Variants in HERC4 observed in about 807,000 individuals in gnomAD.
HERC4 encodes probable E3 ubiquitin-protein ligase HERC4.
HERC4 carries 28 observed loss-of-function variants against 124.3 expected under a neutral mutation model. The ratio of observed to expected loss-of-function variants is 0.23; its 90% CI spans 0.17 to 0.31. The LOEUF is 0.31. HERC4 is among the 10% of genes least tolerant of loss of function. The pLI, the probability that HERC4 is intolerant of heterozygous loss-of-function variation, is 1.00. For missense variants in HERC4, 713 were observed against 1,229.3 expected (o/e 0.58, Z 6.28); for synonymous variants, 407 against 421.5 (o/e 0.97, Z 0.42).
At chr10:68,061,638 G>C (rs2133773477) in intron 3 of HERC4, among the ~76,000 whole-genome samples, 1 of 151,312 alleles carries the variant, frequency 6.6e-6, no homozygotes, top group East Asian at 2.0e-4. Context: ...TAGCACTTTG[G>C]GAGGCAGAGA....
At chr10:67,947,308 G>C (rs144804482) in intron 19 of HERC4, among the ~76,000 whole-genome samples, 95 of 152,300 alleles carry the variant, frequency 6.2e-4, no homozygotes, top group African/African-American at 1.9e-3. Flanking sequence ...AGTAACAAAA[G>C]AGAGCTAGAG....
At chr10:67,933,564 A>G (rs981933051) in intron 22 of HERC4, among the ~76,000 whole-genome samples, 20 of 152,182 alleles carry the variant, frequency 1.3e-4, no homozygotes, top group African/African-American at 4.8e-4. Context: ...GTAATAAAGG[A>G]TGATTCTGCA....
At chr10:68,059,537 C>CATA (rs1338677846) in intron 3 of HERC4, among the ~76,000 whole-genome samples, 14 of 85,482 alleles carry the variant, frequency 1.6e-4, no homozygotes, top group African/African-American at 4.8e-4. Context: ...TATTATATAT[C>CATA]ATATTATATA....
At chr10:68,049,573 AGAGT>A (rs1389444151) in intron 3 of HERC4, among the ~76,000 whole-genome samples, 1 of 116,162 alleles carries the variant, frequency 8.6e-6, no homozygotes, top group African/African-American at 3.7e-5. Flanking sequence ...CCTGGGTGAC[AGAGT>A]GAGACACTGC....
intron 3 of HERC4, among the ~76,000 whole-genome samples, chr10:68,048,402 C>A (rs1437880553): frequency 6.6e-6 from 1 of 152,034 alleles, no homozygotes; most frequent in Admixed American, 6.6e-5. Flanking sequence ...AGTAAAAAAG[C>A]CAATCTGAAA....
intron 8 of HERC4, among the ~76,000 whole-genome samples, chr10:68,017,082 T>C (rs1191688674): frequency 1.3e-5 from 2 of 152,128 alleles, no homozygotes; most frequent in African/African-American, 2.4e-5. Context: ...GGTTTGGCCA[T>C]ATAGTTTGCT....
rs2041637056 is a variant in HERC4 at position 68,072,818 on chromosome 10, G to C, written c.226+65C>G. 17 of 1,123,960 alleles carry C rather than the reference G, an allele frequency of 1.5e-5. 1 individual carries two copies. The highest frequency in any genetic ancestry group is 2.7e-5 in the Admixed American group (1 of 37,552). The allele number at this position is 1,123,960 out of a possible 1,614,324, so 69.6% of individuals were successfully genotyped here. A position where few individuals can be genotyped will look rare whatever the true frequency, so the allele number is the denominator to read the frequency against. ...ATAGTTACAACTAGAGAAATTATACGATGATTCAAATTTAAAATGATATAA... is the reference window on the plus strand; with the variant it reads ...ATAGTTACAACTAGAGAAATTATACCATGATTCAAATTTAAAATGATATAA... On this transcript the variant is annotated intron_variant, in intron 3 of 24. Coordinates refer to ENST00000373700, the MANE Select transcript of HERC4 (RefSeq NM_015601.4).
rs529480870 is a variant in HERC4, at chr10:67,941,037, G to A, written c.2406C>T (p.Thr802=). 1.6e-4 allele frequency: 264 copies of A among 1,609,032 alleles called. 5 individuals are homozygous for A. In the South Asian group the frequency reaches 2.8e-3, roughly 17 times the overall value. ...VICGLAIYNC[T]IVDLHFPLAL... ...CCAAAGGAAAATGGAGGTCCACAAT[G>A]GTACAATTATAAATTGCTAAGCCAC... is the stretch of plus-strand genomic sequence containing the variant. Residue 802 remains threonine, a synonymous_variant, in exon 20 of 25, where the codon ACC becomes ACT. Coordinates refer to ENST00000373700, the MANE Select transcript of HERC4 (RefSeq NM_015601.4).
At chr10:67,926,357 A>G (rs2030943220) in intron 23 of HERC4, among the ~76,000 whole-genome samples, 1 of 151,918 alleles carries the variant, frequency 6.6e-6, no homozygotes, top group Non-Finnish European at 1.5e-5. Flanking sequence ...AGACTGTGCC[A>G]TTGCACTCCA....
chr10:68,057,800 A>G (rs554377317), intron 3 of HERC4, among the ~76,000 whole-genome samples: 2 of 151,998 alleles, frequency 1.3e-5, no homozygotes, highest in East Asian at 3.9e-4. Flanking sequence ...TCTGGGTTCA[A>G]GCAATTCTCA....
chr10:68,062,480 C>A (rs2041076163), intron 3 of HERC4, among the ~76,000 whole-genome samples: 2 of 152,000 alleles, frequency 1.3e-5, no homozygotes, highest in Non-Finnish European at 2.9e-5. Context: ...ATCGGCCGGG[C>A]ACGGTGGCTC....
chr10:67,947,312 G>C (rs1430640763), intron 19 of HERC4, among the ~76,000 whole-genome samples: 1 of 152,194 alleles, frequency 6.6e-6, no homozygotes, highest in African/African-American at 2.4e-5. Context: ...ACAAAAGAGA[G>C]CTAGAGAAAC....
chr10:68,049,963 T>C lies in HERC4; in HGVS notation c.227-5400A>G, dbSNP rs187210279. Among the ~76,000 whole-genome samples the C allele has an allele frequency of 2.0e-4, 31 of 152,190 alleles. No individual in the cohort carries two copies. In the East Asian group the frequency reaches 5.8e-3, roughly 28 times the overall value. ...GGCTTATGCCTGTAATCCCAGTACT[T>C]TGGAAGGCTGAGGCAGGCAGATTGT... On this transcript the variant is annotated intron_variant, in intron 3 of 24. Transcript: ENST00000373700.
At chr10:67,965,998 C>T (rs1026104545) in intron 16 of HERC4, 7 of 152,162 alleles carry the variant, frequency 4.6e-5, no homozygotes, top group African/African-American at 7.2e-5. Flanking sequence ...AAAAGATGTA[C>T]GCACCCACAT....
intron 4 of HERC4, 35 bp downstream of exon 4, chr10:68,044,369 A>G: frequency 2.5e-6 from 4 of 1,571,084 alleles, no homozygotes; most frequent in Non-Finnish European, 3.4e-6. Context: ...ATTTTAAAAG[A>G]TTGTTAAGGA....
chr10:67,990,163 T>G (rs1273025185), intron 14 of HERC4, 48 bp downstream of exon 14: 4 of 1,459,054 alleles, frequency 2.7e-6, no homozygotes, highest in Non-Finnish European at 3.7e-6. Flanking sequence ...TGAAGCATTT[T>G]CATTTAAAGA....
intron 14 of HERC4, among the ~76,000 whole-genome samples, chr10:67,989,864 C>A (rs1239290528): frequency 6.6e-6 from 1 of 151,810 alleles, no homozygotes; most frequent in African/African-American, 2.4e-5. Context: ...ATTTAAAGCC[C>A]ATGTTTGTTC....
chr10:67,927,419 TATATATATATA>T lies in HERC4; in HGVS notation c.2839-2243_2839-2233del, dbSNP rs1236671514. ...ATATATATATATATATATATATATA[TATATATATATA>T]TTTTTTTTTTTTTTTAGATAGAGTC... On this transcript the variant is annotated intron_variant, in intron 23 of 24. Transcript: ENST00000373700. 5.1e-3 allele frequency among the ~76,000 whole-genome samples: 62 copies of T among 12,244 alleles called. 3 individuals carry two copies. Among genetic ancestry groups the T allele is most frequent in the East Asian group, 7.9e-3 (7 of 886 alleles). 8.0% of individuals were successfully genotyped at this position (12,244 alleles called of 152,430 possible).
intron 9 of HERC4, among the ~76,000 whole-genome samples, chr10:67,997,281 G>A (rs1200854296): frequency 1.3e-5 from 2 of 152,132 alleles, no homozygotes. Context: ...TAATCTGCTA[G>A]ATAGCAAATA....
Sources: gnomAD v4.1 joint callset for allele counts (sites outside exome capture counted in the v4.1 genomes callset) on GRCh38, gnomAD v4.1.1 for gene constraint, MANE v1.5 for transcripts, NCBI Gene and HGNC (gene_info 2026-07-23, HGNC 2026-07-21) for gene names.